Variants in EXOC4 observed in about 807,000 individuals in gnomAD.
EXOC4 encodes the protein exocyst complex component 4.
Under a neutral mutation model 107.2 loss-of-function variants are expected in EXOC4, and 71 were observed. That is an observed-to-expected ratio of 0.66 (90% CI 0.55 to 0.81). EXOC4 has a LOEUF of 0.81. EXOC4 is among the 30% of genes least tolerant of loss of function. The pLI is 0.00. For missense variants in EXOC4, 1,108 were observed against 1,189.6 expected (o/e 0.93, Z 1.01); for synonymous variants, 456 against 441.2 (o/e 1.03, Z -0.42).
At chr7:134,067,625 TTATATATATA>T (rs57518105), downstream of EXOC4, among the ~76,000 whole-genome samples, 179 of 130,874 alleles carry the variant, frequency 1.4e-3, 1 homozygote, top group African/African-American at 5.2e-3. Flanking sequence ...GACCCAACTC[TTATATATATA>T]TATACACACA....
intron 10 of EXOC4, among the ~76,000 whole-genome samples, chr7:133,801,171 A>C (rs1796933615): frequency 6.6e-6 from 1 of 152,188 alleles, no homozygotes; most frequent in Non-Finnish European, 1.5e-5. Flanking sequence ...CGAGCCATGT[A>C]GTCTAAGGGT....
At chr7:134,034,969 TAGA>T (rs1038876435) in intron 17 of EXOC4, among the ~76,000 whole-genome samples, 1 of 151,740 alleles carries the variant, frequency 6.6e-6, no homozygotes, top group African/African-American at 2.4e-5. Context: ...TGAGAGAAAA[TAGA>T]AGGTGAGAGA....
chr7:133,253,354 C>A, intron 1 of EXOC4, 167 bp downstream of exon 1: 5 of 1,404,970 alleles, frequency 3.6e-6, no homozygotes, highest in Non-Finnish European at 4.6e-6. Context: ...AGCAATTCCC[C>A]CTCCACCTTT....
At chr7:133,511,309 G>T (rs1039512148) in intron 9 of EXOC4, among the ~76,000 whole-genome samples, 3 of 152,252 alleles carry the variant, frequency 2.0e-5, no homozygotes, top group South Asian at 2.1e-4. Flanking sequence ...AAATTGTTGA[G>T]AATTGACTAG....
rs1799717509 is a variant in EXOC4, at chr7:133,509,031, AC to A, written c.1417+28895del. The stretch of plus-strand genomic sequence containing the variant: ...CTGGTTGCTTAGTATCCAATTACCC[AC>A]CTTTTCTCCTCCTTTTTTACCCCTT... On this transcript the variant is annotated intron_variant, in intron 9 of 17. Transcript: ENST00000253861. 3.9e-5 allele frequency among the ~76,000 whole-genome samples: 6 copies of A among 152,186 alleles called. No homozygotes were observed. The South Asian group carries it at 1.2e-3, about 32-fold the overall frequency.
In EXOC4 at chr7:133,422,631, A is replaced by G. The variant is rs574190866; in HGVS notation, c.1182+47629A>G. 7.8e-4 allele frequency among the ~76,000 whole-genome samples: 119 copies of G among 152,264 alleles called. 1 individual carries two copies. Among genetic ancestry groups the G allele is most frequent in the Non-Finnish European group, 2.5e-4 (17 of 68,028 alleles). On this transcript the variant is annotated intron_variant, in intron 7 of 17. Transcript: ENST00000253861. ...TCTTAAAATGGAGGTTATGTAGGTT[A>G]CATGTTTTACTGGCTCATGGAGCTC... is the stretch of plus-strand genomic sequence containing the variant.
chr7:133,565,592 G>T (rs1800892409), intron 9 of EXOC4, among the ~76,000 whole-genome samples: 1 of 152,122 alleles, frequency 6.6e-6, no homozygotes, highest in Non-Finnish European at 1.5e-5. Flanking sequence ...AATTAAGTTT[G>T]AATTTCAGAT....
At chr7:133,667,514 T>C (rs1038946864) in intron 10 of EXOC4, among the ~76,000 whole-genome samples, 2 of 152,230 alleles carry the variant, frequency 1.3e-5, no homozygotes, top group African/African-American at 4.8e-5. Context: ...CATTAGCTAA[T>C]GTTTATTGAG....
chr7:133,493,819 G>A (rs1240281884), intron 9 of EXOC4, among the ~76,000 whole-genome samples: 1 of 152,158 alleles, frequency 6.6e-6, no homozygotes, highest in African/African-American at 2.4e-5. Context: ...GCCACACTTG[G>A]TGACCTTTAG....
chr7:133,343,304 G>A lies in EXOC4; in HGVS notation c.764-13026G>A, dbSNP rs918972102. On this transcript the variant is annotated intron_variant, in intron 5 of 17. Coordinates refer to ENST00000253861, the MANE Select transcript of EXOC4 (RefSeq NM_021807.4). ...GATTGTTATTGCTCTTCTGGGTCTGGCCACCCAGCAGAGCTACTAGGCTAT... is the reference window on the plus strand; with the variant it reads ...GATTGTTATTGCTCTTCTGGGTCTGACCACCCAGCAGAGCTACTAGGCTAT... Among the ~76,000 whole-genome samples the A allele has an allele frequency of 1.3e-4, 20 of 152,022 alleles. 1 individual carries two copies. The highest frequency in any genetic ancestry group is 1.5e-5 in the Non-Finnish European group (1 of 68,020).
chr7:133,847,875 A>ATTT (rs55923568), intron 11 of EXOC4, among the ~76,000 whole-genome samples: 1,852 of 84,936 alleles, frequency 0.022, 142 homozygotes, highest in African/African-American at 0.036. Flanking sequence ...TGCCCAGCTA[A>ATTT]TTTTTTTTTT....
chr7:133,969,952 C>T (rs1006791535), intron 14 of EXOC4, among the ~76,000 whole-genome samples: 2 of 152,256 alleles, frequency 1.3e-5, no homozygotes, highest in Non-Finnish European at 2.9e-5. Context: ...ACAGCTGCCC[C>T]TTCCCCCAGG....
At chr7:134,092,695 G>A in the EXOC4 span, among the ~76,000 whole-genome samples, 1 of 152,046 alleles carries the variant, frequency 6.6e-6, no homozygotes, top group African/African-American at 2.4e-5. Flanking sequence ...AGCCTTACAA[G>A]AGATCGTGAA....
chr7:133,975,986 T>G (rs1214683349), intron 14 of EXOC4, among the ~76,000 whole-genome samples: 1 of 152,088 alleles, frequency 6.6e-6, no homozygotes, highest in Admixed American at 6.6e-5. Context: ...TCTGATGAGG[T>G]CACGTAGAAG....
intron 5 of EXOC4, among the ~76,000 whole-genome samples, chr7:133,351,145 T>A (rs758068408): frequency 6.6e-6 from 1 of 152,026 alleles, no homozygotes; most frequent in Non-Finnish European, 1.5e-5. Flanking sequence ...ACATCTGTGT[T>A]CATAAGTGAT....
At chr7:133,483,613 A>G (rs906322602) in intron 9 of EXOC4, among the ~76,000 whole-genome samples, 8 of 152,240 alleles carry the variant, frequency 5.3e-5, no homozygotes, top group African/African-American at 1.9e-4. Context: ...AAGAAAAGTA[A>G]TAGTTAGCAA....
chr7:133,742,536 G>A (rs1405673817), intron 10 of EXOC4, among the ~76,000 whole-genome samples: 1 of 152,130 alleles, frequency 6.6e-6, no homozygotes. Flanking sequence ...TTGGATTTAT[G>A]AGAAACCAAA....
chr7:133,570,088 A>G (rs1800990387), intron 9 of EXOC4, among the ~76,000 whole-genome samples: 1 of 152,238 alleles, frequency 6.6e-6, no homozygotes, highest in Non-Finnish European at 1.5e-5. Context: ...ATTAGCAGGA[A>G]ATATTTGACA....
intron 9 of EXOC4, among the ~76,000 whole-genome samples, chr7:133,594,493 C>CTTTTTTTATTTTT (rs1801619115): frequency 1.1e-5 from 1 of 90,356 alleles, no homozygotes. Context: ...AAGCTTGAGT[C>CTTTTTTTATTTTT]TTTTTTTTTT....
Sources: allele counts gnomAD v4.1 joint callset (sites outside exome capture counted in the v4.1 genomes callset), GRCh38; gene constraint gnomAD v4.1.1; transcripts MANE v1.5; gene names NCBI Gene and HGNC (gene_info 2026-07-23, HGNC 2026-07-21).